Variants in HECTD2 observed in about 807,000 individuals in gnomAD.
The protein encoded by HECTD2 is probable E3 ubiquitin-protein ligase HECTD2.
In HECTD2, 35 loss-of-function variants were observed where a neutral mutation model predicts 103.2. The ratio of observed to expected loss-of-function variants is 0.34; its 90% CI spans 0.26 to 0.45. The LOEUF (loss-of-function observed/expected upper bound fraction) is 0.45, where lower values mean the gene tolerates loss of function less well. HECTD2 is among the 20% of genes least tolerant of loss of function. The pLI, the probability that HECTD2 is intolerant of heterozygous loss-of-function variation, is 1.00. For missense variants in HECTD2, 596 were observed against 937.4 expected (o/e 0.64, Z 4.76); for synonymous variants, 281 against 329.9 (o/e 0.85, Z 1.61).
rs540792916 is a variant in HECTD2, at chr10:91,439,657, A to G, written c.268+14247A>G. On this transcript the variant is annotated intron_variant, in intron 2 of 20. Coordinates refer to ENST00000298068, the MANE Select transcript of HECTD2 (RefSeq NM_182765.6). ...GCTTGATGGGGATAGCATTGAATCTATAAATTACTTTGGGCAGTATGGCCA... is the reference window on the plus strand; with the variant it reads ...GCTTGATGGGGATAGCATTGAATCTGTAAATTACTTTGGGCAGTATGGCCA... Among the ~76,000 whole-genome samples the G allele has an allele frequency of 3.3e-5, 5 of 152,268 alleles. No individual in the cohort carries two copies. In the East Asian group the frequency reaches 7.7e-4, roughly 23 times the overall value.
chr10:91,429,494 A>G (rs1173008690), intron 2 of HECTD2, among the ~76,000 whole-genome samples: 5 of 152,092 alleles, frequency 3.3e-5, no homozygotes, highest in East Asian at 1.9e-4. Flanking sequence ...TTTGGCTGTG[A>G]ATCCATCTGG....
chr10:91,463,708 A>G (rs771823699), intron 5 of HECTD2: 1 of 152,230 alleles, frequency 6.6e-6, no homozygotes, highest in Non-Finnish European at 1.5e-5. Context: ...ACTATTAAAT[A>G]TAAACATCCT....
intron 3 of HECTD2, among the ~76,000 whole-genome samples, chr10:91,460,862 A>G (rs1052798542): frequency 2.6e-5 from 4 of 152,196 alleles, no homozygotes; most frequent in African/African-American, 9.6e-5. Flanking sequence ...ATTTTTAGAA[A>G]TAAGAGTTCA....
intron 11 of HECTD2, among the ~76,000 whole-genome samples, chr10:91,490,918 A>AAG (rs1846453488): frequency 2.0e-5 from 3 of 150,464 alleles, no homozygotes; most frequent in Admixed American, 6.6e-5. Context: ...AAAAAAAAAA[A>AAG]AGAGATGAGA....
chr10:91,470,101 G>A (rs1311984895), intron 5 of HECTD2, among the ~76,000 whole-genome samples: 2 of 152,212 alleles, frequency 1.3e-5, no homozygotes, highest in Non-Finnish European at 2.9e-5. Context: ...AAGAGACTTA[G>A]ATAACCACAC....
chr10:91,471,148 G>A (rs1845713591), intron 5 of HECTD2, among the ~76,000 whole-genome samples: 2 of 152,070 alleles, frequency 1.3e-5, no homozygotes, highest in Admixed American at 6.6e-5. Flanking sequence ...ATTATCCCTA[G>A]GATGCAAGGT....
In HECTD2 at chr10:91,498,963, A is replaced by C. The variant is rs1323567006; in HGVS notation, c.1843+4A>C. On this transcript the variant is annotated splice_donor_region_variant and intron_variant, in intron 17 of 20. Coordinates refer to ENST00000298068, the MANE Select transcript of HECTD2 (RefSeq NM_182765.6). ...GTTACCAATCAAAATAGAAAAGGTA[A>C]GTTAATACCCTTTTTAATTAAAATG... 1.3e-6 allele frequency: 2 copies of C among 1,574,918 alleles called. No homozygotes were observed.
At chr10:91,417,342 T>C (rs1843168417) in intron 1 of HECTD2, among the ~76,000 whole-genome samples, 1 of 152,176 alleles carries the variant, frequency 6.6e-6, no homozygotes, top group South Asian at 2.1e-4. Context: ...TTTTTTTTGC[T>C]TTAGAGACTG....
At position 91,429,664 on chromosome 10, in the gene HECTD2, G is replaced by C. The variant is rs897978830; in HGVS notation, c.268+4254G>C. ...CTTCTAGATTTTCTAGTTTATTTGC[G>C]TAGAGGTGTTTGTAGTATTCTCTGA... On this transcript the variant is annotated intron_variant, in intron 2 of 20. Coordinates refer to ENST00000298068, the MANE Select transcript of HECTD2 (RefSeq NM_182765.6). 2.0e-5 allele frequency among the ~76,000 whole-genome samples: 3 copies of C among 151,880 alleles called. No homozygotes were observed. In the South Asian group the frequency reaches 6.2e-4, roughly 32 times the overall value.
intron 2 of HECTD2, among the ~76,000 whole-genome samples, chr10:91,427,919 G>A (rs1285443900): frequency 2.0e-5 from 3 of 151,670 alleles, no homozygotes; most frequent in Non-Finnish European, 4.4e-5. Context: ...TGTTGCCATT[G>A]CTTTTGGTGT....
intron 15 of HECTD2, among the ~76,000 whole-genome samples, chr10:91,496,757 G>A (rs866989519): frequency 2.4e-4 from 36 of 151,994 alleles, no homozygotes; most frequent in African/African-American, 8.2e-4. Context: ...AAAATTTGTG[G>A]TTTTAAAGGA....
intron 2 of HECTD2, among the ~76,000 whole-genome samples, chr10:91,432,230 G>T (rs1843915150): frequency 6.6e-6 from 1 of 151,926 alleles, no homozygotes; most frequent in Admixed American, 6.6e-5. Flanking sequence ...ATTCTTGGCA[G>T]TTATTATAAT....
chr10:91,478,401 A>C, intron 6 of HECTD2, 136 bp downstream of exon 6: 1 of 592,268 alleles, frequency 1.7e-6, no homozygotes, highest in South Asian at 2.3e-5. Context: ...ATGAGAAAAG[A>C]ATTATAAGCC....
At chr10:91,467,805 GC>G (rs916954265) in intron 5 of HECTD2, among the ~76,000 whole-genome samples, 1 of 152,176 alleles carries the variant, frequency 6.6e-6, no homozygotes, top group Admixed American at 6.5e-5. Flanking sequence ...CATGCTTGCT[GC>G]CCCCACTGGC....
chr10:91,482,158 G>T (rs1039703406), intron 7 of HECTD2, among the ~76,000 whole-genome samples: 4 of 151,824 alleles, frequency 2.6e-5, no homozygotes, highest in African/African-American at 9.7e-5. Flanking sequence ...CTTCTCAAGA[G>T]CCATTACCAG....
intron 2 of HECTD2, among the ~76,000 whole-genome samples, chr10:91,453,107 C>T (rs1844907475): frequency 1.3e-5 from 2 of 152,042 alleles, no homozygotes; most frequent in Admixed American, 6.6e-5. Flanking sequence ...ATAACACCAG[C>T]GTGGTTCTAA....
At chr10:91,479,356 AGAGT>A (rs1274564640) in intron 6 of HECTD2, among the ~76,000 whole-genome samples, 1 of 152,218 alleles carries the variant, frequency 6.6e-6, no homozygotes, top group Non-Finnish European at 1.5e-5. Flanking sequence ...CAGAATCAAT[AGAGT>A]GAGACTGTCT....
intron 1 of HECTD2, among the ~76,000 whole-genome samples, chr10:91,415,193 AGTGTGTGTGTGTGTGTGTGTGTGT>A (rs397846279): frequency 1.4e-5 from 2 of 141,624 alleles, no homozygotes; most frequent in African/African-American, 5.3e-5. Flanking sequence ...AATTAGAGAA[AGTGTGTGTGTGTGTGTGTGTGTGT>A]GTGTGTGTGT....
In HECTD2 at chr10:91,491,275, C is replaced by T; in HGVS notation, c.1267C>T (p.Arg423Trp). 1.3e-6 allele frequency: 2 copies of T among 1,560,710 alleles called. No homozygotes were observed. The highest frequency in any genetic ancestry group is 1.8e-6 in the Non-Finnish European group (2 of 1,139,464). ...NILFLNMKVR[R>W]THLVSDSLDE... Reference sequence around the variant, plus strand: ...ATTATTTCTAAATATGAAAGTAAGACGGACACATCTGGTTAGCGATTCACT... The same window carrying T: ...ATTATTTCTAAATATGAAAGTAAGATGGACACATCTGGTTAGCGATTCACT... The change falls in exon 12 of 21, where the codon CGG (arginine) becomes TGG (tryptophan). Residue 423 changes from arginine to tryptophan, a missense_variant. By Grantham distance (101) the Arg-to-Trp change is moderately radical. Around this residue, in one of 4 missense-constraint regions of HECTD2, gnomAD observed 303 missense variants for 522.5 expected, o/e 0.58. Transcript: ENST00000298068.
Sources: allele counts gnomAD v4.1 joint callset (sites outside exome capture counted in the v4.1 genomes callset), GRCh38; gene constraint gnomAD v4.1.1; regional missense constraint gnomAD v4.1.1; transcripts MANE v1.5; gene names NCBI Gene and HGNC (gene_info 2026-07-23, HGNC 2026-07-21).